NFATC1: variants seen among roughly 807,000 people sequenced by gnomAD.
NFATC1 encodes nuclear factor of activated T-cells, cytoplasmic 1.
Under a neutral mutation model 76.0 loss-of-function variants are expected in NFATC1, and 22 were observed. The observed-to-expected ratio is 0.29, with a 90% confidence interval of 0.21 to 0.41. The LOEUF (loss-of-function observed/expected upper bound fraction) is 0.41, where lower values mean the gene tolerates loss of function less well. Among genes scored for constraint, NFATC1 ranks in the 10% least tolerant of loss-of-function variants. The pLI is 1.00. For missense variants in NFATC1, 1,357 were observed against 1,337.7 expected (o/e 1.01, Z -0.23); for synonymous variants, 704 against 613.1 (o/e 1.15, Z -2.19).
chr18:79,474,137 G>A (rs1390047669), intron 8 of NFATC1, among the ~76,000 whole-genome samples: 12 of 141,666 alleles, frequency 8.5e-5, no homozygotes, highest in East Asian at 4.2e-4. Flanking sequence ...GCTCGCTGTC[G>A]ACGTTGTAAA....
intron 9 of NFATC1, among the ~76,000 whole-genome samples, chr18:79,507,518 C>T (rs73474782): frequency 3.8e-4 from 58 of 152,358 alleles, no homozygotes; most frequent in African/African-American, 1.4e-3. Flanking sequence ...AAGACCTCAC[C>T]CCTCAAGTGG....
At chr18:79,451,241 C>A in intron 5 of NFATC1, 115 bp downstream of exon 5, 1 of 1,267,498 alleles carries the variant, frequency 7.9e-7, no homozygotes, top group Non-Finnish European at 1.1e-6. Context: ...ACGGTTCCCA[C>A]CAAACCCACC....
At chr18:79,419,161 C>T (rs2085980790) in intron 2 of NFATC1, among the ~76,000 whole-genome samples, 1 of 152,240 alleles carries the variant, frequency 6.6e-6, no homozygotes, top group South Asian at 2.1e-4. Context: ...GTAGCTGGGA[C>T]CACAGACGTG....
At chr18:79,474,591 C>T (rs2088960237) in intron 8 of NFATC1, among the ~76,000 whole-genome samples, 1 of 146,902 alleles carries the variant, frequency 6.8e-6, no homozygotes, top group African/African-American at 2.6e-5. Context: ...CTGAGGGAAG[C>T]GTGTTCTCAC....
intron 9 of NFATC1, among the ~76,000 whole-genome samples, chr18:79,517,711 T>G (rs1201704304): frequency 6.6e-6 from 1 of 152,268 alleles, no homozygotes; most frequent in South Asian, 2.1e-4. Context: ...CTGTCTGGTT[T>G]GTTTAGCGGT....
At chr18:79,454,142 C>A (rs553261036) in intron 6 of NFATC1, among the ~76,000 whole-genome samples, 35 of 152,314 alleles carry the variant, frequency 2.3e-4, no homozygotes, top group Middle Eastern at 3.4e-3. Flanking sequence ...CTGAGGAAAT[C>A]CGTCAGTAGG....
At chr18:79,419,828 C>T (rs2086010180) in intron 2 of NFATC1, among the ~76,000 whole-genome samples, 1 of 152,232 alleles carries the variant, frequency 6.6e-6, no homozygotes, top group Admixed American at 6.5e-5. Context: ...GGGACTTCCT[C>T]CCTCGGGATT....
At chr18:79,448,682 A>G in intron 3 of NFATC1, 100 bp from the exon 4 acceptor site, 1 of 1,117,124 alleles carries the variant, frequency 9.0e-7, no homozygotes, top group Non-Finnish European at 1.3e-6. Context: ...GGGCAGGGGG[A>G]CACAGGCCTC....
At chr18:79,480,344 C>T (rs367903173) in intron 8 of NFATC1, among the ~76,000 whole-genome samples, 1 of 152,158 alleles carries the variant, frequency 6.6e-6, no homozygotes, top group Non-Finnish European at 1.5e-5. Context: ...GGGACAGGAG[C>T]TGCCAACCTG....
At position 79,512,162 on chromosome 18, in the gene NFATC1, ACCCCAGGACACGGCCTCG is replaced by A. The variant is rs1488447244; in HGVS notation, c.2783-15348_2783-15331del. Among the ~76,000 whole-genome samples the A allele has an allele frequency of 1.9e-4, 29 of 151,472 alleles. No individual in the cohort carries two copies. In the East Asian group the frequency reaches 2.3e-3, roughly 12 times the overall value. On this transcript the variant is annotated intron_variant, in intron 9 of 9. Transcript: ENST00000427363. ...GAGACAAGCCCCAGGACGCAGCCTG[ACCCCAGGACACGGCCTCG>A]CCCCAGGACACGGCCTCACCCCAGG...
In NFATC1 at chr18:79,467,610, G is replaced by A. The variant is rs55740492; in HGVS notation, c.2092+28G>A. The stretch of plus-strand genomic sequence containing the variant: ...AACGCCATCTTTCTAACCGTAAGCC[G>A]TGAACATGAGCGCGTGGGGTGCTTT... On this transcript the variant is annotated intron_variant, in intron 8 of 9. Transcript: ENST00000427363. The A allele has an allele frequency of 7.8e-5, 126 of 1,612,300 alleles. 1 individual carries two copies. The East Asian group carries it at 1.7e-3, about 21-fold the overall frequency.
chr18:79,521,296 TG>T (rs1219440272), intron 9 of NFATC1, among the ~76,000 whole-genome samples: 19 of 28,888 alleles, frequency 6.6e-4, no homozygotes, highest in East Asian at 2.6e-3. Flanking sequence ...TCTGTGTGTG[TG>T]GGGGGGGGCG....
chr18:79,477,974 G>A (rs1014268883), intron 8 of NFATC1, among the ~76,000 whole-genome samples: 4 of 152,148 alleles, frequency 2.6e-5, no homozygotes, highest in Admixed American at 6.5e-5. Context: ...AGAGTCACGC[G>A]GACGGGGGTT....
chr18:79,402,670 G>T (rs551489309), intron 1 of NFATC1, among the ~76,000 whole-genome samples: 1 of 152,160 alleles, frequency 6.6e-6, no homozygotes, highest in Non-Finnish European at 1.5e-5. Context: ...CTGCTTTTAC[G>T]GTGTCAAGAA....
intron 4 of NFATC1, among the ~76,000 whole-genome samples, chr18:79,450,718 G>A (rs1413295648): frequency 5.3e-5 from 8 of 152,198 alleles, no homozygotes; most frequent in South Asian, 4.1e-4. Flanking sequence ...GGCTTTTCTC[G>A]GGGCTGCCTC....
At chr18:79,500,275 C>T (rs1171411459) in intron 9 of NFATC1, among the ~76,000 whole-genome samples, 2 of 152,110 alleles carry the variant, frequency 1.3e-5, no homozygotes, top group East Asian at 1.9e-4. Flanking sequence ...AACTAAACAA[C>T]ACATTTCTAA....
At chr18:79,408,202 T>A (rs2085508031) in intron 1 of NFATC1, among the ~76,000 whole-genome samples, 1 of 152,216 alleles carries the variant, frequency 6.6e-6, no homozygotes, top group Non-Finnish European at 1.5e-5. Flanking sequence ...CATTTATCCG[T>A]GTTGGTTTCT....
intron 9 of NFATC1, among the ~76,000 whole-genome samples, chr18:79,502,431 A>C (rs563027654): frequency 9.2e-5 from 14 of 152,362 alleles, no homozygotes; most frequent in African/African-American, 3.1e-4. Flanking sequence ...GGTTTCTTAG[A>C]TATGACATCA....
At chr18:79,494,666 C>T (rs553908420) in intron 9 of NFATC1, among the ~76,000 whole-genome samples, 1 of 88,156 alleles carries the variant, frequency 1.1e-5, no homozygotes, top group African/African-American at 4.6e-5. Context: ...CTGGTACCGC[C>T]GGGGGAAGGC....
Sources: gnomAD v4.1 joint callset for allele counts (sites outside exome capture counted in the v4.1 genomes callset) on GRCh38, gnomAD v4.1.1 for gene constraint, MANE v1.5 for transcripts, NCBI Gene and HGNC (gene_info 2026-07-23, HGNC 2026-07-21) for gene names.